Variants in EXOC6 observed in about 807,000 individuals in gnomAD.
EXOC6 encodes exocyst complex component 6.
In EXOC6, 60 loss-of-function variants were observed where a neutral mutation model predicts 112.5. The ratio of observed to expected loss-of-function variants is 0.53; its 90% CI spans 0.43 to 0.66. EXOC6 has a LOEUF of 0.66. Ranked by LOEUF, EXOC6 falls within the 30% of genes least tolerant of loss-of-function variation. The probability of loss-of-function intolerance (pLI) is 0.00; values close to 1 mark genes in which losing one functional copy is unlikely to be tolerated. For synonymous variants in EXOC6, 295 were observed against 308.0 expected (o/e 0.96, Z 0.44); for missense variants, 855 against 957.1 (o/e 0.89, Z 1.41).
chr10:92,827,851 A>C (rs1467733515), intron 1 of EXOC6, among the ~76,000 whole-genome samples: 1 of 152,148 alleles, frequency 6.6e-6, no homozygotes, highest in Non-Finnish European at 1.5e-5. Flanking sequence ...CTCTGGCTCC[A>C]CTGGGTTTGG....
chr10:93,039,520 C>A (rs1037436457), intron 20 of EXOC6, among the ~76,000 whole-genome samples: 1 of 152,182 alleles, frequency 6.6e-6, no homozygotes, highest in African/African-American at 2.4e-5. Flanking sequence ...TGGACATTCA[C>A]CCCATCCAAA....
intron 1 of EXOC6, among the ~76,000 whole-genome samples, chr10:92,857,858 G>T (rs1847681311): frequency 6.6e-6 from 1 of 151,632 alleles, no homozygotes; most frequent in African/African-American, 2.4e-5. Context: ...TTAATCGTGA[G>T]GAAATTCCTT....
intron 1 of EXOC6, among the ~76,000 whole-genome samples, chr10:92,876,692 A>G (rs2133749009): frequency 6.6e-6 from 1 of 152,316 alleles, no homozygotes. Context: ...AAGAACTTAC[A>G]GTAAAGTGAT....
At chr10:92,843,065 A>G (rs2490733) in intron 1 of EXOC6, among the ~76,000 whole-genome samples, 32,387 of 152,150 alleles carry the variant, frequency 0.21, 4,687 homozygotes, top group Non-Finnish European at 0.31. Context: ...ACCCGGGGCT[A>G]GTTGCTTTTG....
chr10:93,054,980 C>A (rs1382205661), intron 20 of EXOC6, among the ~76,000 whole-genome samples: 1 of 151,962 alleles, frequency 6.6e-6, no homozygotes, highest in Non-Finnish European at 1.5e-5. Flanking sequence ...AACCTTAATC[C>A]CACCACATAA....
intron 1 of EXOC6, among the ~76,000 whole-genome samples, chr10:92,867,849 T>A (rs886360284): frequency 6.6e-6 from 1 of 152,190 alleles, no homozygotes; most frequent in African/African-American, 2.4e-5. Flanking sequence ...ATCTGCATTT[T>A]TTTGGACAAG....
At chr10:92,831,289 C>T, upstream of EXOC6, 1 of 1,287,204 alleles carries the variant, frequency 7.8e-7, no homozygotes, top group South Asian at 1.2e-5. Context: ...CTTGAATCTC[C>T]AGGCTGAGCC....
chr10:93,047,219 A>G (rs1846037321), intron 20 of EXOC6, among the ~76,000 whole-genome samples: 1 of 152,122 alleles, frequency 6.6e-6, no homozygotes, highest in South Asian at 2.1e-4. Context: ...GAACTAGGAC[A>G]GGCGTAGTAA....
chr10:93,002,748 T>G (rs957290726), intron 19 of EXOC6, among the ~76,000 whole-genome samples: 5 of 152,182 alleles, frequency 3.3e-5, no homozygotes, highest in Non-Finnish European at 7.4e-5. Flanking sequence ...CTTGCTAGCA[T>G]GAAGAGTTAA....
intron 2 of EXOC6, 51 bp downstream of exon 2, chr10:92,893,571 G>T: frequency 6.9e-7 from 1 of 1,452,052 alleles, no homozygotes; most frequent in Non-Finnish European, 9.4e-7. Flanking sequence ...AATTACTCAA[G>T]TCTTAGTTGA....
At chr10:93,026,060 C>T (rs1351824293) in intron 20 of EXOC6, among the ~76,000 whole-genome samples, 20 of 152,306 alleles carry the variant, frequency 1.3e-4, no homozygotes, top group Non-Finnish European at 2.5e-4. Context: ...CATGTTGTTA[C>T]GTATAGCTGT....
chr10:93,018,546 C>T (rs1844644766), intron 20 of EXOC6, among the ~76,000 whole-genome samples: 1 of 151,988 alleles, frequency 6.6e-6, no homozygotes, highest in East Asian at 1.9e-4. Flanking sequence ...TGATTGCTGG[C>T]ATACTGTCCT....
chr10:92,934,095 T>C (rs369564988), intron 9 of EXOC6, 49 bp from the exon 10 acceptor site: 5 of 1,142,452 alleles, frequency 4.4e-6, no homozygotes, highest in Non-Finnish European at 5.1e-6. Context: ...CTTACCTTTA[T>C]GTTACCAGTA....
At chr10:92,889,139 G>A (rs554051533) in intron 1 of EXOC6, among the ~76,000 whole-genome samples, 1 of 152,290 alleles carries the variant, frequency 6.6e-6, no homozygotes, top group South Asian at 2.1e-4. Flanking sequence ...CTAGTACTCA[G>A]TTGTTCAGCC....
At chr10:92,854,690 G>A (rs1407281409) in intron 1 of EXOC6, among the ~76,000 whole-genome samples, 9 of 152,100 alleles carry the variant, frequency 5.9e-5, no homozygotes, top group Admixed American at 2.6e-4. Flanking sequence ...TTGTATTCAT[G>A]GGATAAATCC....
At chr10:92,829,610 C>A (rs1846441117) in intron 1 of EXOC6, among the ~76,000 whole-genome samples, 5 of 152,168 alleles carry the variant, frequency 3.3e-5, no homozygotes, top group Admixed American at 3.3e-4. Flanking sequence ...GCCAATGAAA[C>A]ACATGAACAT....
intron 16 of EXOC6, among the ~76,000 whole-genome samples, chr10:92,955,287 C>A (rs1002597927): frequency 2.0e-5 from 3 of 151,822 alleles, no homozygotes; most frequent in Admixed American, 6.6e-5. Flanking sequence ...AAGTCACAAT[C>A]CTAATTTTTT....
chr10:93,043,400 G>A (rs1456409752), intron 20 of EXOC6, among the ~76,000 whole-genome samples: 1 of 152,150 alleles, frequency 6.6e-6, no homozygotes, highest in Non-Finnish European at 1.5e-5. Context: ...AATACTTAAA[G>A]AATACTTCCA....
At chr10:92,846,854 G>T (rs1416123379), upstream of EXOC6, among the ~76,000 whole-genome samples, 1 of 152,192 alleles carries the variant, frequency 6.6e-6, no homozygotes, top group Non-Finnish European at 1.5e-5. Flanking sequence ...GATTATCCTG[G>T]ATTAAATGGT....
Sources: allele counts gnomAD v4.1 joint callset (sites outside exome capture counted in the v4.1 genomes callset), GRCh38; gene constraint gnomAD v4.1.1; transcripts MANE v1.5; gene names NCBI Gene and HGNC (gene_info 2026-07-23, HGNC 2026-07-21).